The following SOS2 variants were observed in gnomAD, a reference collection of about 807,000 sequenced individuals.
SOS2 encodes SOS Ras/Rho guanine nucleotide exchange factor 2.
A neutral mutation model predicts 148.2 loss-of-function variants in SOS2; 65 were observed. The ratio of observed to expected loss-of-function variants is 0.44; its 90% CI spans 0.36 to 0.54. SOS2 has a LOEUF of 0.54. SOS2 is among the 20% of genes least tolerant of loss of function. The pLI is 0.00. For synonymous variants in SOS2, 539 were observed against 537.1 expected (o/e 1.00, Z -0.05); for missense variants, 1,341 against 1,590.2 (o/e 0.84, Z 2.67).
chr14:50,130,434 A>T, intron 20 of SOS2, 67 bp downstream of exon 20: 1 of 1,355,046 alleles, frequency 7.4e-7, no homozygotes, highest in Non-Finnish European at 1.0e-6. Flanking sequence ...TTCCCTAATT[A>T]AAATGATAAG....
intron 21 of SOS2, among the ~76,000 whole-genome samples, chr14:50,128,299 G>GAAGGGA (rs1203109780): frequency 6.6e-6 from 1 of 152,034 alleles, no homozygotes; most frequent in Non-Finnish European, 1.5e-5. Context: ...AGGAAAGAAA[G>GAAGGGA]AAGGGAAAGG....
In SOS2 at chr14:50,129,964, A is replaced by C. The variant is rs1883813742; in HGVS notation, c.3376T>G (p.Ser1126Ala). The C allele has an allele frequency of 1.3e-6, 2 of 1,579,596 alleles. No homozygotes were observed. The highest frequency in any genetic ancestry group is 2.7e-5 in the African/African-American group (2 of 74,114). The change falls in exon 21 of 23, where the codon TCA becomes GCA. Residue 1126 changes from serine to alanine, a missense_variant. Around this residue, in one of 4 missense-constraint regions of SOS2, gnomAD observed 354 missense variants for 347.7 expected, o/e 1.02. Transcript: ENST00000216373. ...AATCAACTTAAATTATACTTACTTGAATGTGGCAAAAGCACTGGAGCAAAG... is the reference window on the plus strand; with the variant it reads ...AATCAACTTAAATTATACTTACTTGCATGTGGCAAAAGCACTGGAGCAAAG... ...SIFAPVLLPH[S>A]KSFFSSCGSL...
At chr14:50,121,404 G>A (rs1002344794) in intron 21 of SOS2, among the ~76,000 whole-genome samples, 1 of 152,052 alleles carries the variant, frequency 6.6e-6, no homozygotes, top group Admixed American at 6.5e-5. Flanking sequence ...GAAAGAAGTT[G>A]ATAAGTTTAA....
intron 12 of SOS2, chr14:50,156,257 T>TGTACACACACACACACACACACACACAC (rs1555369885): frequency 7.4e-5 from 11 of 148,740 alleles, no homozygotes; most frequent in African/African-American, 2.5e-4. Context: ...TAGTGGTACG[T>TGTACACACACACACACACACACACACAC]ACACACACAC....
chr14:50,193,298 T>G (rs564481802), intron 4 of SOS2, among the ~76,000 whole-genome samples: 5 of 152,216 alleles, frequency 3.3e-5, no homozygotes, highest in African/African-American at 1.2e-4. Flanking sequence ...TGCCTCAACC[T>G]CCAAAAGTGC....
chr14:50,121,402 TTGA>T (rs1016719365), intron 21 of SOS2, among the ~76,000 whole-genome samples: 5 of 152,166 alleles, frequency 3.3e-5, no homozygotes, highest in African/African-American at 1.2e-4. Flanking sequence ...GGGAAAGAAG[TTGA>T]TAAGTTTAAC....
chr14:50,183,162 A>G (rs1885797679), intron 5 of SOS2, among the ~76,000 whole-genome samples: 4 of 152,198 alleles, frequency 2.6e-5, no homozygotes, highest in African/African-American at 9.6e-5. Flanking sequence ...CAAGACAGAG[A>G]GAGTAAAATA....
intron 19 of SOS2, among the ~76,000 whole-genome samples, chr14:50,132,454 A>G (rs998196059): frequency 1.3e-5 from 2 of 151,010 alleles, no homozygotes; most frequent in African/African-American, 4.9e-5. Flanking sequence ...TGAGGTCAGG[A>G]GTACAAGACA....
intron 5 of SOS2, among the ~76,000 whole-genome samples, chr14:50,184,511 C>G (rs1366590184): frequency 6.6e-6 from 1 of 152,082 alleles, no homozygotes; most frequent in African/African-American, 2.4e-5. Context: ...AGTAGGGCCC[C>G]TAGATAACCT....
intron 20 of SOS2, among the ~76,000 whole-genome samples, chr14:50,130,268 C>A (rs182643971): frequency 1.3e-4 from 20 of 152,106 alleles, no homozygotes; most frequent in Non-Finnish European, 2.4e-4. Context: ...GGTAGTGGGA[C>A]CCAAAAGGTA....
At position 50,200,278 on chromosome 14, in the gene SOS2, C is replaced by T. The variant is rs1171601487; in HGVS notation, c.346-423G>A. 4.0e-5 allele frequency among the ~76,000 whole-genome samples: 6 copies of T among 149,950 alleles called. No homozygotes were observed. In the East Asian group the frequency reaches 9.8e-4, roughly 24 times the overall value. ...GTCTGTGTGTGTGAGGCAGGCGGGG[C>T]GGGGGGGGCTTGAATTTGCTACAAA... On this transcript the variant is annotated intron_variant, in intron 3 of 22. Coordinates refer to ENST00000216373, the MANE Select transcript of SOS2 (RefSeq NM_006939.4).
At chr14:50,210,420 T>C (rs116122722) in intron 1 of SOS2, among the ~76,000 whole-genome samples, 2,017 of 152,184 alleles carry the variant, frequency 0.013, 41 homozygotes, top group African/African-American at 0.045. Context: ...AATAAATAAA[T>C]ATACCCAATA....
intron 8 of SOS2, among the ~76,000 whole-genome samples, chr14:50,163,704 C>G (rs536098207): frequency 6.6e-6 from 1 of 152,212 alleles, no homozygotes; most frequent in Non-Finnish European, 1.5e-5. Context: ...AGATTTCTTA[C>G]AGAAAGTCTT....
intron 8 of SOS2, among the ~76,000 whole-genome samples, chr14:50,162,040 G>A (rs1026792366): frequency 6.7e-6 from 1 of 150,166 alleles, no homozygotes. Context: ...TGAGCCACCA[G>A]TCCTGGCCCA....
intron 13 of SOS2, among the ~76,000 whole-genome samples, chr14:50,150,906 G>T (rs1028153307): frequency 6.6e-6 from 1 of 152,088 alleles, no homozygotes; most frequent in Admixed American, 6.6e-5. Flanking sequence ...TGTATTTTTA[G>T]TACAGACAGG....
intron 1 of SOS2, among the ~76,000 whole-genome samples, chr14:50,224,304 AATAT>A (rs869147303): frequency 2.4e-4 from 15 of 62,672 alleles, no homozygotes; most frequent in South Asian, 2.2e-3. Flanking sequence ...AAAAAAAAAA[AATAT>A]ATATATACAC....
chr14:50,133,683 C>T (rs1429477371), intron 19 of SOS2, among the ~76,000 whole-genome samples: 1 of 152,178 alleles, frequency 6.6e-6, no homozygotes, highest in Non-Finnish European at 1.5e-5. Flanking sequence ...CAAACTCCTG[C>T]AGTAACTGGA....
chr14:50,214,371 T>A (rs1886977505), intron 1 of SOS2, among the ~76,000 whole-genome samples: 1 of 152,114 alleles, frequency 6.6e-6, no homozygotes, highest in Non-Finnish European at 1.5e-5. Context: ...GTTTCTAACA[T>A]ATTTTCTAAT....
chr14:50,181,016 G>C (rs543398006), intron 6 of SOS2, among the ~76,000 whole-genome samples: 1 of 152,280 alleles, frequency 6.6e-6, no homozygotes, highest in East Asian at 1.9e-4. Flanking sequence ...TTAGTGAAGG[G>C]AAAGGGTGAA....
Sources: gnomAD v4.1 joint callset for allele counts (sites outside exome capture counted in the v4.1 genomes callset) on GRCh38, gnomAD v4.1.1 for gene constraint, gnomAD v4.1.1 regional missense constraint, MANE v1.5 for transcripts, NCBI Gene and HGNC (gene_info 2026-07-23, HGNC 2026-07-21) for gene names.